Variants in POLH observed in about 807,000 individuals in gnomAD.
The protein encoded by POLH is DNA polymerase eta, also known as DNA polymerase eta transcript.
POLH carries 53 observed loss-of-function variants against 73.6 expected under a neutral mutation model. The observed-to-expected ratio is 0.72, with a 90% CI of 0.58 to 0.91. POLH has a LOEUF of 0.91. Among genes scored for constraint, POLH ranks in the 40% least tolerant of loss-of-function variants. The pLI, the probability that POLH is intolerant of heterozygous loss-of-function variation, is 0.00. For synonymous variants in POLH, 292 were observed against 308.5 expected (o/e 0.95, Z 0.56); for missense variants, 768 against 865.4 (o/e 0.89, Z 1.41).
chr6:43,593,559 T>C (rs1419591007), intron 4 of POLH, among the ~76,000 whole-genome samples: 1 of 152,142 alleles, frequency 6.6e-6, no homozygotes, highest in African/African-American at 2.4e-5. Context: ...GGCAATTCAT[T>C]TCCACAAAGG....
chr6:43,595,584 A>G (rs1168400317), intron 4 of POLH, among the ~76,000 whole-genome samples: 1 of 150,960 alleles, frequency 6.6e-6, no homozygotes, highest in African/African-American at 2.4e-5. Flanking sequence ...CATCCCTACT[A>G]AAAAAAATAC....
At chr6:43,603,395 G>A (rs1370346721) in intron 6 of POLH, among the ~76,000 whole-genome samples, 1 of 151,980 alleles carries the variant, frequency 6.6e-6, no homozygotes, top group Non-Finnish European at 1.5e-5. Context: ...CCTCCCAAGT[G>A]CTAGGACTAC....
At chr6:43,598,425 G>A (rs530778988) in intron 5 of POLH, among the ~76,000 whole-genome samples, 10 of 151,254 alleles carry the variant, frequency 6.6e-5, no homozygotes, top group African/African-American at 1.5e-4. Context: ...TCAGGAGTTC[G>A]AGACCAGCCT....
In POLH at chr6:43,605,266, C is replaced by T. The variant is rs776938361; in HGVS notation, c.1021C>T (p.Leu341=). 5.1e-6 allele frequency: 8 copies of T among 1,579,888 alleles called. No individual in the cohort carries two copies. In the Admixed American group the frequency reaches 8.3e-5, roughly 16 times the overall value. ...AATACTTTTTTAGGTACAATGGTGG[C>T]TGTTGCAATTAGCCCAGGAACTAGA... ...LATREQVQWW[L]LQLAQELEER... Residue 341 remains leucine (L), a synonymous_variant, in exon 9 of 11, where the codon CTG becomes TTG. Transcript: ENST00000372236.
chr6:43,609,314 A>G (rs1209132140), intron 9 of POLH, among the ~76,000 whole-genome samples: 2 of 152,188 alleles, frequency 1.3e-5, no homozygotes, highest in African/African-American at 4.8e-5. Context: ...GCATGCAGTT[A>G]TAGTTGAATA....
intron 10 of POLH, 99 bp downstream of exon 10, chr6:43,610,822 T>G: frequency 2.0e-6 from 2 of 1,009,722 alleles, no homozygotes; most frequent in South Asian, 2.7e-5. Context: ...TTCCTCATTG[T>G]GTCTAATCAC....
chr6:43,582,910 T>C (rs777611130), intron 2 of POLH, 97 bp from the exon 3 acceptor site: 8 of 1,094,670 alleles, frequency 7.3e-6, no homozygotes, highest in Non-Finnish European at 1.1e-5. Flanking sequence ...GGTCAAAAAG[T>C]TTCTAATATG....
In POLH at chr6:43,614,228, C is replaced by T. The variant is rs1768174002; in HGVS notation, c.1813C>T (p.His605Tyr). 4 of 1,609,552 alleles carry T rather than the reference C, an allele frequency of 2.5e-6. No individual in the cohort carries two copies. Among genetic ancestry groups the T allele is most frequent in the Non-Finnish European group, 1.7e-6 (2 of 1,176,710 alleles). The change falls in exon 11 of 11, where the codon CAC becomes TAC. Residue 605 changes from histidine to tyrosine, a missense_variant. Coordinates refer to ENST00000372236, the MANE Select transcript of POLH (RefSeq NM_006502.3). The stretch of plus-strand genomic sequence containing the variant: ...TTTGGCCCACAACAGCCAAAGCATG[C>T]ACGCCTCTTCAGCTTCCAAATCTGT... ...MDLAHNSQSM[H>Y]ASSASKSVLE...
rs1243154241 is a variant in POLH, at chr6:43,587,320, T to G, written c.321T>G (p.Ala107=). 1 of 1,614,194 alleles carries G rather than the reference T, an allele frequency of 6.2e-7. No homozygotes were observed. Among genetic ancestry groups the G allele is most frequent in the Non-Finnish European group, 8.5e-7 (1 of 1,180,006 alleles). ...VEVMEIMSRF[A]VIERASIDEA... ...TGATGGAGATAATGTCTCGTTTTGC[T>G]GTGATTGAACGTGCCAGCATTGATG... Residue 107 remains alanine (A), a synonymous_variant, in exon 4 of 11, where the codon GCT becomes GCG. Coordinates refer to ENST00000372236, the MANE Select transcript of POLH (RefSeq NM_006502.3).
At chr6:43,594,021 T>C (rs1045320737) in intron 4 of POLH, among the ~76,000 whole-genome samples, 2 of 152,138 alleles carry the variant, frequency 1.3e-5, no homozygotes, top group Non-Finnish European at 2.9e-5. Context: ...ATTTTTCTTA[T>C]CAACTAGAGA....
chr6:43,585,646 T>G (rs1036082294), intron 3 of POLH, among the ~76,000 whole-genome samples: 1 of 149,822 alleles, frequency 6.7e-6, no homozygotes, highest in Non-Finnish European at 1.5e-5. Context: ...TCTTTTTTTT[T>G]TTTTTTTTGT....
At chr6:43,579,513 C>T (rs1763773042) in intron 1 of POLH, among the ~76,000 whole-genome samples, 1 of 152,164 alleles carries the variant, frequency 6.6e-6, no homozygotes, top group South Asian at 2.1e-4. Context: ...GAGGGCATGC[C>T]TTGCCATGTG....
chr6:43,606,465 A>G (rs60761507), intron 9 of POLH, among the ~76,000 whole-genome samples: 4,983 of 150,822 alleles, frequency 0.033, 266 homozygotes, highest in African/African-American at 0.11. Context: ...GTTTCGCTCT[A>G]TCGCCCAGGC....
At chr6:43,577,077 G>T (rs1474960956) in intron 1 of POLH, among the ~76,000 whole-genome samples, 1 of 152,224 alleles carries the variant, frequency 6.6e-6, no homozygotes, top group Non-Finnish European at 1.5e-5. Flanking sequence ...TACTCGGGAG[G>T]CTGAGGTGGG....
In POLH at chr6:43,614,834, G is replaced by A; in HGVS notation, c.*277G>A. 2.4e-6 allele frequency: 1 copy of A among 415,766 alleles called. No homozygotes were observed. The highest frequency in any genetic ancestry group is 4.3e-6 in the Non-Finnish European group (1 of 232,772). 25.8% of individuals were successfully genotyped at this position (415,766 alleles called of 1,614,324 possible). A position where few individuals can be genotyped will look rare whatever the true frequency, so the allele number is the denominator to read the frequency against. ...ATAAAGTAAAAAGTGTGTGGGCCTT[G>A]GAGTCTAAGAGACGTGGTTGCAAAC... On this transcript the variant is annotated 3_prime_UTR_variant, in exon 11 of 11. Transcript: ENST00000372236.
intron 4 of POLH, among the ~76,000 whole-genome samples, chr6:43,591,998 A>AT (rs1003510694): frequency 1.4e-4 from 21 of 151,908 alleles, no homozygotes; most frequent in Admixed American, 3.9e-4. Context: ...ACCTATGTAC[A>AT]TTTTTTTATT....
chr6:43,601,829 A>G lies in POLH; in HGVS notation c.764+738A>G, dbSNP rs568670341. Among the ~76,000 whole-genome samples the G allele has an allele frequency of 1.6e-3, 240 of 152,196 alleles. 6 individuals are homozygous for G. Among genetic ancestry groups the G allele is most frequent in the African/African-American group, 5.4e-3 (223 of 41,562 alleles). On this transcript the variant is annotated intron_variant, in intron 6 of 10. Coordinates refer to ENST00000372236, the MANE Select transcript of POLH (RefSeq NM_006502.3). ...ATCCCAGCACTTTGGGAGGCGAGGC[A>G]GGTGGATCACCTGAAGTCAGGAGTT... is the stretch of plus-strand genomic sequence containing the variant.
At chr6:43,602,139 G>C (rs1766804118) in intron 6 of POLH, among the ~76,000 whole-genome samples, 1 of 152,146 alleles carries the variant, frequency 6.6e-6, no homozygotes, top group Non-Finnish European at 1.5e-5. Context: ...ATTTAAGTCT[G>C]TTATTAAGTA....
At chr6:43,593,894 A>G (rs544008226) in intron 4 of POLH, among the ~76,000 whole-genome samples, 29 of 151,734 alleles carry the variant, frequency 1.9e-4, no homozygotes, top group Non-Finnish European at 3.4e-4. Context: ...AAAAAAAAAA[A>G]AAAAAGAAAG....
Sources: gnomAD v4.1 joint callset for allele counts (sites outside exome capture counted in the v4.1 genomes callset) on GRCh38, gnomAD v4.1.1 for gene constraint, MANE v1.5 for transcripts, NCBI Gene and HGNC (gene_info 2026-07-23, HGNC 2026-07-21) for gene names.